Variants in GRM5 observed in about 807,000 individuals in gnomAD.
The protein encoded by GRM5 is glutamate metabotropic receptor 5.
GRM5 carries 19 observed loss-of-function variants against 83.1 expected under a neutral mutation model. The ratio of observed to expected loss-of-function variants is 0.23; its 90% CI spans 0.16 to 0.34. GRM5 has a LOEUF of 0.34. GRM5 is among the 10% of genes least tolerant of loss of function. GRM5 has a pLI of 1.00. For missense variants in GRM5, 1,160 were observed against 1,588.3 expected (o/e 0.73, Z 4.58); for synonymous variants, 675 against 633.6 (o/e 1.07, Z -0.98).
intron 1 of GRM5, among the ~76,000 whole-genome samples, chr11:89,059,182 T>G (rs1412433780): frequency 6.6e-6 from 1 of 152,128 alleles, no homozygotes; most frequent in Non-Finnish European, 1.5e-5. Flanking sequence ...CAACTAATCA[T>G]TAGAGAATTT....
At chr11:88,936,636 A>C (rs1308424949) in intron 2 of GRM5, among the ~76,000 whole-genome samples, 1 of 151,900 alleles carries the variant, frequency 6.6e-6, no homozygotes, top group African/African-American at 2.4e-5. Context: ...GAAGGATGGA[A>C]ATATTAATTG....
chr11:88,716,592 TAAAAG>T (rs1327569539), intron 3 of GRM5, among the ~76,000 whole-genome samples: 1 of 151,896 alleles, frequency 6.6e-6, no homozygotes, highest in Non-Finnish European at 1.5e-5. Flanking sequence ...ACAAATATAA[TAAAAG>T]AAATCAGGAG....
At position 88,653,496 on chromosome 11, in the gene GRM5, A is replaced by T. The variant is rs1418501095; in HGVS notation, c.912-93T>A. The T allele has an allele frequency of 2.1e-5, 16 of 768,220 alleles. No homozygotes were observed. The East Asian group carries it at 3.8e-4, about 18-fold the overall frequency. The allele number at this position is 768,220 out of a possible 1,614,324, so 47.6% of individuals were successfully genotyped here. A position where few individuals can be genotyped will look rare whatever the true frequency, so the allele number is the denominator to read the frequency against. On this transcript the variant is annotated intron_variant, in intron 3 of 9. Transcript: ENST00000305447. ...TCCTTTTGACAAGATTAGTCATTAA[A>T]TGGCTACCTCAGGCCCCATGATGGT...
chr11:88,579,911 T>G (rs1943188751), intron 7 of GRM5, among the ~76,000 whole-genome samples: 1 of 152,048 alleles, frequency 6.6e-6, no homozygotes, highest in African/African-American at 2.4e-5. Flanking sequence ...AGGAGAAAAG[T>G]TAGGAGGTTA....
chr11:88,991,368 C>G (rs1220400460), intron 2 of GRM5, among the ~76,000 whole-genome samples: 1 of 151,842 alleles, frequency 6.6e-6, no homozygotes, highest in Non-Finnish European at 1.5e-5. Flanking sequence ...AAAGAGGATA[C>G]AAACAAATGG....
intron 1 of GRM5, among the ~76,000 whole-genome samples, chr11:89,054,396 C>A (rs963579118): frequency 5.9e-5 from 9 of 152,100 alleles, no homozygotes; most frequent in Non-Finnish European, 1.2e-4. Flanking sequence ...TGGATGGAAA[C>A]AACAAAACAA....
intron 3 of GRM5, among the ~76,000 whole-genome samples, chr11:88,730,243 C>A: frequency 6.6e-6 from 1 of 152,150 alleles, no homozygotes; most frequent in East Asian, 1.9e-4. Context: ...TCTCAAAAGA[C>A]ATTTATGCGG....
chr11:88,663,793 C>T (rs918514980), intron 3 of GRM5, among the ~76,000 whole-genome samples: 1 of 152,120 alleles, frequency 6.6e-6, no homozygotes, highest in Non-Finnish European at 1.5e-5. Context: ...GGCCAAACAG[C>T]CTCTGAGAGC....
At chr11:88,908,291 C>G (rs1508688) in intron 2 of GRM5, among the ~76,000 whole-genome samples, 21,305 of 151,992 alleles carry the variant, frequency 0.14, 2,678 homozygotes, top group African/African-American at 0.3. Flanking sequence ...TCTATGATCG[C>G]ATGATATATT....
chr11:88,827,706 G>T (rs75158553), intron 3 of GRM5, among the ~76,000 whole-genome samples: 1 of 152,110 alleles, frequency 6.6e-6, no homozygotes, highest in East Asian at 1.9e-4. Context: ...ATGGATTAAG[G>T]TTTCTTCAGC....
chr11:88,753,800 C>G (rs990616367), intron 3 of GRM5, among the ~76,000 whole-genome samples: 1 of 151,998 alleles, frequency 6.6e-6, no homozygotes, highest in Non-Finnish European at 1.5e-5. Context: ...GGTTTACTGG[C>G]CTCACATTTC....
intron 9 of GRM5, among the ~76,000 whole-genome samples, chr11:88,515,117 A>G (rs571735219): frequency 1.3e-5 from 2 of 152,272 alleles, no homozygotes; most frequent in South Asian, 4.1e-4. Context: ...GTGGGTTATT[A>G]AAGTGCTTAA....
At chr11:88,786,853 T>A (rs1200729554) in intron 3 of GRM5, among the ~76,000 whole-genome samples, 1 of 152,094 alleles carries the variant, frequency 6.6e-6, no homozygotes, top group Non-Finnish European at 1.5e-5. Flanking sequence ...TTCGTTTTGC[T>A]AATTGCTGGA....
intron 3 of GRM5, among the ~76,000 whole-genome samples, chr11:88,770,154 CA>C (rs1420421690): frequency 1.3e-5 from 2 of 151,966 alleles, no homozygotes; most frequent in African/African-American, 4.8e-5. Flanking sequence ...CTATACTCAT[CA>C]AAACTTTCAA....
chr11:88,899,152 A>C (rs967394285), intron 2 of GRM5, among the ~76,000 whole-genome samples: 6 of 151,962 alleles, frequency 3.9e-5, no homozygotes, highest in African/African-American at 1.4e-4. Flanking sequence ...TGACATCTAC[A>C]GCAGTTTCCC....
chr11:88,696,122 C>G (rs2135366140), intron 3 of GRM5, among the ~76,000 whole-genome samples: 1 of 152,156 alleles, frequency 6.6e-6, no homozygotes, highest in African/African-American at 2.4e-5. Context: ...GATGGGGAGG[C>G]CAGAAGGGGG....
intron 2 of GRM5, among the ~76,000 whole-genome samples, chr11:88,886,536 T>C (rs889710114): frequency 1.3e-5 from 2 of 152,114 alleles, no homozygotes; most frequent in African/African-American, 4.8e-5. Flanking sequence ...CCAGTACCCA[T>C]GGGTCACTGG....
chr11:89,036,089 T>C (rs1371089659), intron 2 of GRM5, among the ~76,000 whole-genome samples: 2 of 152,158 alleles, frequency 1.3e-5, no homozygotes, highest in Admixed American at 1.3e-4. Context: ...AAGTATAGCG[T>C]TAAGTTTCCA....
At chr11:89,050,875 G>T (rs983258983) in intron 1 of GRM5, among the ~76,000 whole-genome samples, 2 of 152,042 alleles carry the variant, frequency 1.3e-5, no homozygotes, top group African/African-American at 4.8e-5. Context: ...AATACTGCAG[G>T]TTCTCACATG....
Sources: gnomAD v4.1 joint callset for allele counts (sites outside exome capture counted in the v4.1 genomes callset) on GRCh38, gnomAD v4.1.1 for gene constraint, MANE v1.5 for transcripts, NCBI Gene and HGNC (gene_info 2026-07-23, HGNC 2026-07-21) for gene names.